OOSP3: variants seen among roughly 807,000 people sequenced by gnomAD.
OOSP3 encodes the protein oocyte secreted protein family member 3.
chr11:59,887,913 T>G (rs954179939), intron 2 of OOSP3, among the ~76,000 whole-genome samples: 1 of 152,234 alleles, frequency 6.6e-6, no homozygotes, highest in Non-Finnish European at 1.5e-5. Context: ...TTTACGATAT[T>G]GATTCTTCCT....
intron 2 of OOSP3, among the ~76,000 whole-genome samples, chr11:59,890,850 T>C (rs1853305106): frequency 6.6e-6 from 1 of 152,236 alleles, no homozygotes; most frequent in South Asian, 2.1e-4. Context: ...GAAGTTCTCC[T>C]GGATGATATC....
At chr11:59,892,342 A>G (rs73490967) in intron 2 of OOSP3, among the ~76,000 whole-genome samples, 6,240 of 151,750 alleles carry the variant, frequency 0.041, 411 homozygotes, top group African/African-American at 0.14. Context: ...CTCTCTGTGG[A>G]TTGTACCAAC....
intron 2 of OOSP3, among the ~76,000 whole-genome samples, chr11:59,884,725 A>T (rs1853236921): frequency 6.6e-6 from 1 of 152,118 alleles, no homozygotes; most frequent in Non-Finnish European, 1.5e-5. Flanking sequence ...GCTGGTCTCG[A>T]ACTCCTGACC....
At chr11:59,892,027 C>G (rs1853316741) in intron 2 of OOSP3, among the ~76,000 whole-genome samples, 1 of 152,212 alleles carries the variant, frequency 6.6e-6, no homozygotes, top group Non-Finnish European at 1.5e-5. Context: ...GAATCTCTTG[C>G]CTCACTGGAG....
chr11:59,894,292 T>G (rs1853337405), intron 3 of OOSP3, 116 bp downstream of exon 3: 2 of 394,150 alleles, frequency 5.1e-6, no homozygotes, highest in Non-Finnish European at 8.9e-6. Context: ...TTGGTTTGCA[T>G]AGTTTCTCTG....
chr11:59,890,220 C>G (rs969898458), intron 2 of OOSP3, among the ~76,000 whole-genome samples: 1 of 152,080 alleles, frequency 6.6e-6, no homozygotes, highest in Admixed American at 6.5e-5. Context: ...TGAATCTTGT[C>G]TTTTTATCCA....
chr11:59,879,723 T>C (rs1853183024), intron 1 of OOSP3, among the ~76,000 whole-genome samples: 1 of 152,214 alleles, frequency 6.6e-6, no homozygotes, highest in Admixed American at 6.5e-5. Context: ...TTTTGCATCA[T>C]AGAAGGATAC....
intron 1 of OOSP3, among the ~76,000 whole-genome samples, chr11:59,879,742 G>A (rs554266639): frequency 6.6e-6 from 1 of 152,306 alleles, no homozygotes; most frequent in Admixed American, 6.5e-5. Flanking sequence ...ACAGGGTGGA[G>A]ACAGAGCAGG....
At chr11:59,884,117 A>G (rs1179196660) in intron 2 of OOSP3, among the ~76,000 whole-genome samples, 1 of 152,226 alleles carries the variant, frequency 6.6e-6, no homozygotes, top group Non-Finnish European at 1.5e-5. Context: ...CTTAAATAAC[A>G]GACAGCAATT....
exon 2 of OOSP3, chr11:59,880,384 C>T: frequency 2.5e-6 from 1 of 398,542 alleles, no homozygotes; most frequent in East Asian, 3.6e-5. Context: ...ACCAATGTAA[C>T]TGCGAAGGGA....
intron 2 of OOSP3, among the ~76,000 whole-genome samples, chr11:59,882,990 A>G (rs1853218001): frequency 6.6e-6 from 1 of 151,974 alleles, no homozygotes; most frequent in African/African-American, 2.4e-5. Context: ...AATTGTTTTC[A>G]TTTTTTGTTA....
chr11:59,893,038 T>C (rs1338273971), intron 2 of OOSP3, among the ~76,000 whole-genome samples: 1 of 152,228 alleles, frequency 6.6e-6, no homozygotes, highest in Admixed American at 6.5e-5. Context: ...GAAATCACTA[T>C]TGAATACATA....
chr11:59,882,482 G>A (rs915716651), intron 2 of OOSP3, among the ~76,000 whole-genome samples: 1 of 152,010 alleles, frequency 6.6e-6, no homozygotes, highest in Non-Finnish European at 1.5e-5. Flanking sequence ...CAGATTCTTT[G>A]AGTTTTATGA....
chr11:59,887,120 T>G (rs1565219480), intron 2 of OOSP3, among the ~76,000 whole-genome samples: 2 of 150,846 alleles, frequency 1.3e-5, no homozygotes, highest in Non-Finnish European at 2.9e-5. Flanking sequence ...GTTTTTTTTT[T>G]GTTGTTTTTT....
At chr11:59,893,574 C>T (rs1398461040) in intron 2 of OOSP3, among the ~76,000 whole-genome samples, 1 of 152,138 alleles carries the variant, frequency 6.6e-6, no homozygotes, top group East Asian at 1.9e-4. Context: ...CCAGGCTGGT[C>T]TCCTGAGCTC....
At chr11:59,885,912 TG>T (rs1853252814) in intron 2 of OOSP3, among the ~76,000 whole-genome samples, 1 of 151,828 alleles carries the variant, frequency 6.6e-6, no homozygotes, top group African/African-American at 2.4e-5. Flanking sequence ...TTTTATGTTC[TG>T]GGGTACATGT....
intron 2 of OOSP3, among the ~76,000 whole-genome samples, chr11:59,893,439 C>T (rs1447825689): frequency 6.6e-6 from 1 of 152,100 alleles, no homozygotes; most frequent in Non-Finnish European, 1.5e-5. Context: ...GATCACAGCT[C>T]ACTGCAACCT....
At chr11:59,881,055 C>G (rs1352145031) in intron 2 of OOSP3, among the ~76,000 whole-genome samples, 2 of 152,072 alleles carry the variant, frequency 1.3e-5, no homozygotes, top group Non-Finnish European at 2.9e-5. Flanking sequence ...AGTTTTGAGA[C>G]AGTTTAGTTA....
intron 2 of OOSP3, among the ~76,000 whole-genome samples, chr11:59,886,791 C>CTT (rs562190268): frequency 1.4e-4 from 20 of 139,320 alleles, no homozygotes; most frequent in Non-Finnish European, 2.5e-4. Flanking sequence ...CATTTGCCCA[C>CTT]TTTTTTTTTT....
Sources: allele counts gnomAD v4.1 joint callset (sites outside exome capture counted in the v4.1 genomes callset), GRCh38; gene constraint gnomAD v4.1.1; transcripts MANE v1.5; gene names NCBI Gene and HGNC (gene_info 2026-07-23, HGNC 2026-07-21).